Variants in EPC2 observed in about 807,000 individuals in gnomAD.
EPC2 encodes the protein enhancer of polycomb 2, also known as enhancer of polycomb homolog 2.
In EPC2, 14 loss-of-function variants were observed where a neutral mutation model predicts 92.1. That is an observed-to-expected ratio of 0.15 (90% CI 0.10 to 0.24). The LOEUF is 0.24. EPC2 is among the 10% of genes least tolerant of loss of function. The pLI, the probability that EPC2 is intolerant of heterozygous loss-of-function variation, is 1.00. For missense variants in EPC2, 755 were observed against 971.5 expected, an observed-to-expected ratio of 0.78 and a Z score of 2.96; for synonymous variants, 340 against 334.7, an observed-to-expected ratio of 1.02 and a Z score of -0.17.
chr2:148,730,556 A>T (rs939978628), intron 2 of EPC2, among the ~76,000 whole-genome samples: 5 of 152,190 alleles, frequency 3.3e-5, no homozygotes, highest in African/African-American at 1.2e-4. Flanking sequence ...CTGGATCAGA[A>T]ACTGATGATC....
chr2:148,754,265 A>G (rs1296081268), intron 4 of EPC2, 132 bp downstream of exon 4: 11 of 759,590 alleles, frequency 1.4e-5, no homozygotes, highest in Non-Finnish European at 1.9e-5. Context: ...AAGAAATCCT[A>G]CTTTTCGTCT....
chr2:148,752,266 G>GA (rs1683094954), intron 3 of EPC2, among the ~76,000 whole-genome samples: 1 of 152,164 alleles, frequency 6.6e-6, no homozygotes, highest in Non-Finnish European at 1.5e-5. Flanking sequence ...TGAAGAACAT[G>GA]TGACACATCA....
chr2:148,666,492 T>C (rs1466072095), intron 1 of EPC2, among the ~76,000 whole-genome samples: 1 of 152,214 alleles, frequency 6.6e-6, no homozygotes, highest in Non-Finnish European at 1.5e-5. Flanking sequence ...ACCGATACTT[T>C]TGTCAGGTAC....
At chr2:148,686,409 A>C (rs1388266031) in intron 1 of EPC2, among the ~76,000 whole-genome samples, 1 of 152,212 alleles carries the variant, frequency 6.6e-6, no homozygotes, top group East Asian at 1.9e-4. Flanking sequence ...TGAAGTCTTG[A>C]ACTCCTCAAA....
Position 148,761,830 on chromosome 2 carries a change from C to A in EPC2, c.715C>A (p.Arg239=). 1 of 1,581,104 alleles carries A rather than the reference C, an allele frequency of 6.3e-7. No individual in the cohort carries two copies. The highest frequency in any genetic ancestry group is 2.3e-5 in the East Asian group (1 of 43,348). ...TTATGAAAAGATGTTGAAACTGAGA[C>A]GAGAATTTAGTAGAGCCATAACAAT... ...ASYEKMLKLR[R]EFSRAITILE... The change falls in exon 5 of 14, where the codon CGA becomes AGA. Residue 239 remains arginine, a synonymous_variant. Transcript: ENST00000258484.
chr2:148,769,289 GGTAACCCAT>G, intron 8 of EPC2, 49 bp downstream of exon 8: 1 of 1,306,470 alleles, frequency 7.7e-7, no homozygotes, highest in Non-Finnish European at 1.1e-6. Context: ...GGAATTAACA[GGTAACCCAT>G]GTCAAGATGA....
At chr2:148,770,687 G>A in intron 8 of EPC2, 105 bp from the exon 9 acceptor site, 1 of 1,202,980 alleles carries the variant, frequency 8.3e-7, no homozygotes, top group Admixed American at 3.4e-5. Context: ...GATTTTAATT[G>A]TTCTGCTAAT....
At chr2:148,764,934 G>GA (rs1370687296) in intron 6 of EPC2, 21 bp from the exon 7 acceptor site, 9 of 1,412,126 alleles carry the variant, frequency 6.4e-6, no homozygotes, top group Non-Finnish European at 8.4e-6. Context: ...CCTTTTGGGG[G>GA]AAAAATCGTC....
At chr2:148,696,148 G>A (rs941167228) in intron 2 of EPC2, among the ~76,000 whole-genome samples, 1 of 152,200 alleles carries the variant, frequency 6.6e-6, no homozygotes, top group African/African-American at 2.4e-5. Flanking sequence ...AAACCTAGAA[G>A]ATAATAGATA....
intron 2 of EPC2, among the ~76,000 whole-genome samples, chr2:148,709,377 C>T (rs970141037): frequency 1.1e-4 from 16 of 152,200 alleles, no homozygotes; most frequent in African/African-American, 3.4e-4. Context: ...ATCCCATGCT[C>T]ATGGATAGGA....
chr2:148,700,463 C>T (rs902318562), intron 2 of EPC2, among the ~76,000 whole-genome samples: 4 of 151,750 alleles, frequency 2.6e-5, no homozygotes, highest in East Asian at 3.9e-4. Context: ...TTCTAGCACT[C>T]GTTGTTGGAA....
chr2:148,786,484 A>C lies in EPC2; in HGVS notation c.*107A>C. 1.2e-6 allele frequency: 1 copy of C among 843,788 alleles called. No individual in the cohort carries two copies. The allele number at this position is 843,788 out of a possible 1,614,324, so 52.3% of individuals were successfully genotyped here. A position where few individuals can be genotyped will look rare whatever the true frequency, so the allele number is the denominator to read the frequency against. ...GATCACAGAGTGTAACAATGGACCT[A>C]AATGGACTATAGTATATTGGATGTT... On this transcript the variant is annotated 3_prime_UTR_variant, in exon 14 of 14. Coordinates refer to ENST00000258484, the MANE Select transcript of EPC2 (RefSeq NM_015630.4).
At chr2:148,707,403 A>G (rs954690063) in intron 2 of EPC2, among the ~76,000 whole-genome samples, 1 of 152,204 alleles carries the variant, frequency 6.6e-6, no homozygotes, top group Admixed American at 6.5e-5. Flanking sequence ...ATAATGGGAG[A>G]CTTTAACACC....
In EPC2 at chr2:148,771,048, A is replaced by G. The variant is rs1467556118; in HGVS notation, c.1381A>G (p.Ile461Val). The G allele has an allele frequency of 4.4e-6, 7 of 1,603,234 alleles. No individual in the cohort carries two copies. Among genetic ancestry groups the G allele is most frequent in the Non-Finnish European group, 6.0e-6 (7 of 1,175,332 alleles). ...RRRIGRGGRVIMDRISTEHDP... is the reference protein window; with the variant it reads ...RRRIGRGGRVVMDRISTEHDP... The stretch of plus-strand genomic sequence containing the variant: ...TGGTTTTATTTTGCTTTTCAGGGTC[A>G]TAATGGACCGAATATCCACAGAACA... The change falls in exon 10 of 14, where the codon ATA (isoleucine) becomes GTA (valine). Residue 461 changes from isoleucine to valine, a missense_variant. Around this residue, in one of 4 missense-constraint regions of EPC2, gnomAD observed 509 missense variants for 607.7 expected, o/e 0.84. Transcript: ENST00000258484.
At chr2:148,657,220 A>C (rs919749107) in intron 1 of EPC2, among the ~76,000 whole-genome samples, 1 of 152,182 alleles carries the variant, frequency 6.6e-6, no homozygotes, top group Admixed American at 6.5e-5. Context: ...TAATCAAGTA[A>C]TGCATAGATT....
chr2:148,701,229 G>A (rs1028923764), intron 2 of EPC2, among the ~76,000 whole-genome samples: 6 of 152,042 alleles, frequency 3.9e-5, no homozygotes, highest in African/African-American at 1.2e-4. Flanking sequence ...GTTTCATTTC[G>A]TCCTAATCTG....
intron 1 of EPC2, among the ~76,000 whole-genome samples, chr2:148,676,005 A>G (rs573901916): frequency 1.8e-4 from 27 of 152,292 alleles, no homozygotes; most frequent in African/African-American, 6.5e-4. Flanking sequence ...GCTGATTTCT[A>G]CCAGTGTGGC....
In EPC2 at chr2:148,656,024, TGGGGGG is replaced by T. The variant is rs71411354; in HGVS notation, c.153+10863_153+10868del. Among the ~76,000 whole-genome samples, 208 of 111,736 alleles carry T rather than the reference TGGGGGG, an allele frequency of 1.9e-3. 5 individuals carry two copies. The highest frequency in any genetic ancestry group is 3.1e-3 in the Non-Finnish European group (170 of 54,782). The allele number at this position is 111,736 out of a possible 152,430, so 73.3% of individuals were successfully genotyped here. A position where few individuals can be genotyped will look rare whatever the true frequency, so the allele number is the denominator to read the frequency against. ...AGCTGTGTGTGTGTGTGTGTGTGTG[TGGGGGG>T]GGGGGGGGTTATTCTAGAAAATTTC... On this transcript the variant is annotated intron_variant, in intron 1 of 13. Transcript: ENST00000258484.
chr2:148,676,872 T>TGGG (rs70995327), intron 1 of EPC2, among the ~76,000 whole-genome samples: 6 of 141,594 alleles, frequency 4.2e-5, no homozygotes, highest in East Asian at 2.0e-4. Flanking sequence ...CCACTTTTTT[T>TGGG]GGGGGGGGGG....
Sources: gnomAD v4.1 joint callset for allele counts (sites outside exome capture counted in the v4.1 genomes callset) on GRCh38, gnomAD v4.1.1 for gene constraint, gnomAD v4.1.1 regional missense constraint, MANE v1.5 for transcripts, NCBI Gene and HGNC (gene_info 2026-07-23, HGNC 2026-07-21) for gene names.